HPS5: variants seen among roughly 807,000 people sequenced by gnomAD.
HPS5 encodes BLOC-2 complex member HPS5.
A neutral mutation model predicts 128.0 loss-of-function variants in HPS5; 83 were observed. That is an observed-to-expected ratio of 0.65 (90% confidence interval 0.54 to 0.78). The LOEUF is 0.78. HPS5 is among the 30% of genes least tolerant of loss of function. The pLI is 0.00. For missense variants in HPS5, 1,281 were observed against 1,326.2 expected, an observed-to-expected ratio of 0.97 and a Z score of 0.53; for synonymous variants, 475 against 470.2, an observed-to-expected ratio of 1.01 and a Z score of -0.13.
intron 6 of HPS5, 55 bp downstream of exon 6, chr11:18,308,891 T>C: frequency 3.2e-6 from 5 of 1,575,936 alleles, no homozygotes; most frequent in Non-Finnish European, 4.4e-6. Flanking sequence ...AACTTCTAAG[T>C]TCCTCCCAGT....
rs998608924 is a variant in HPS5, at chr11:18,291,865, C to T, written c.2017G>A (p.Val673Met). The T allele has an allele frequency of 1.9e-6, 3 of 1,607,846 alleles. No homozygotes were observed. Among genetic ancestry groups the T allele is most frequent in the South Asian group, 1.1e-5 (1 of 90,108 alleles). Residue 673 changes from valine (V) to methionine (M), a missense_variant, in exon 16 of 23, where the codon GTG (valine) becomes ATG (methionine). Physicochemically the swap from Val to Met is conservative, Grantham distance 21. Coordinates refer to ENST00000349215, the MANE Select transcript of HPS5 (RefSeq NM_181507.2). ...TTTTTTGATTCATTAACTAATAGCA[C>T]ATCCTGGTTCAATTTCATGGATGAG... Reference protein sequence around the residue: ...DNSSMKLNQDVLLVNESKKGI... With the variant: ...DNSSMKLNQDMLLVNESKKGI...
chr11:18,279,659 T>C lies in HPS5; in HGVS notation c.*223A>G, dbSNP rs896632759. On this transcript the variant is annotated 3_prime_UTR_variant, in exon 23 of 23. Coordinates refer to ENST00000349215, the MANE Select transcript of HPS5 (RefSeq NM_181507.2). ...GACTCTTTTCAAAATTCAACTTTGGTTAAGAAATGCTGAGTACAACTTTGG... is the reference window on the plus strand; with the variant it reads ...GACTCTTTTCAAAATTCAACTTTGGCTAAGAAATGCTGAGTACAACTTTGG... 5.2e-6 allele frequency: 3 copies of C among 577,102 alleles called. No homozygotes were observed. Among genetic ancestry groups the C allele is most frequent in the African/African-American group, 3.8e-5 (2 of 53,326 alleles). The allele number at this position is 577,102 out of a possible 1,614,324, so 35.7% of individuals were successfully genotyped here.
intron 22 of HPS5, among the ~76,000 whole-genome samples, chr11:18,281,540 C>T (rs1391973733): frequency 1.3e-5 from 2 of 151,246 alleles, no homozygotes; most frequent in South Asian, 2.1e-4. Flanking sequence ...GCTGGGACTA[C>T]AGGCACGTGC....
intron 1 of HPS5, 103 bp from the exon 2 acceptor site, chr11:18,318,010 C>T: frequency 1.2e-6 from 1 of 807,054 alleles, no homozygotes; most frequent in East Asian, 2.7e-5. Context: ...AAAGTCCCCA[C>T]TATACAGGGA....
At chr11:18,307,062 CT>C (rs1272365614) in intron 6 of HPS5, among the ~76,000 whole-genome samples, 2 of 152,192 alleles carry the variant, frequency 1.3e-5, no homozygotes, top group African/African-American at 4.8e-5. Context: ...GCTTCCTATG[CT>C]TTGCTTTCAT....
At chr11:18,286,932 G>C in intron 18 of HPS5, 1 of 618,512 alleles carries the variant, frequency 1.6e-6, no homozygotes, top group East Asian at 2.8e-5. Context: ...GGGAGAGAAA[G>C]AGAGAGAGAA....
In HPS5 at chr11:18,287,711, C is replaced by T. The variant is rs770370664; in HGVS notation, c.2562-21G>A. On this transcript the variant is annotated intron_variant, in intron 17 of 22. Transcript: ENST00000349215. ...ACAACCTGCATTTAAAAACAAAACACTTTAGTCTCTAATTTCAGTGAAATT... is the reference window on the plus strand; with the variant it reads ...ACAACCTGCATTTAAAAACAAAACATTTTAGTCTCTAATTTCAGTGAAATT... 2.9e-5 allele frequency: 47 copies of T among 1,613,344 alleles called. No individual in the cohort carries two copies. The Admixed American group carries it at 5.8e-4, about 20-fold the overall frequency.
Position 18,282,045 on chromosome 11 carries a change from A to G in HPS5, c.3234T>C (p.Ala1078=). Residue 1078 remains alanine (A), a synonymous_variant, in exon 22 of 23, where the codon GCT becomes GCC. Coordinates refer to ENST00000349215, the MANE Select transcript of HPS5 (RefSeq NM_181507.2). Reference sequence around the variant, plus strand: ...GACCACATTCCTGTAGCAGTGACCAAGCCCGATCTGGGCCCATGGCCTTAG... The same window carrying G: ...GACCACATTCCTGTAGCAGTGACCAGGCCCGATCTGGGCCCATGGCCTTAG... ...LLAKAMGPDR[A]WSLLQECGLA... The G allele has an allele frequency of 6.2e-7, 1 of 1,614,214 alleles. No homozygotes were observed. Among genetic ancestry groups the G allele is most frequent in the Non-Finnish European group, 8.5e-7 (1 of 1,180,036 alleles).
chr11:18,279,095 G>GTT lies in HPS5; in HGVS notation c.*785_*786dup, dbSNP rs1858563695. 1 of 152,212 alleles carries GTT rather than the reference G, an allele frequency of 6.6e-6. No individual in the cohort carries two copies. The highest frequency in any genetic ancestry group is 1.5e-5 in the Non-Finnish European group (1 of 68,030). The allele number at this position is 152,212 out of a possible 1,614,324, so 9.4% of individuals were successfully genotyped here. ...TATATGAAGATATTTTATTTAATTT[G>GTT]TTTTTGAGACAGGGTCTTTCTCTGT... On this transcript the variant is annotated 3_prime_UTR_variant, in exon 23 of 23. Coordinates refer to ENST00000349215, the MANE Select transcript of HPS5 (RefSeq NM_181507.2).
At chr11:18,284,405 G>A (rs1380435729) in intron 20 of HPS5, among the ~76,000 whole-genome samples, 1 of 152,122 alleles carries the variant, frequency 6.6e-6, no homozygotes, top group African/African-American at 2.4e-5. Flanking sequence ...CACTGGATGT[G>A]CTCCTTTTGC....
At chr11:18,302,198 AT>A (rs1402501574) in intron 8 of HPS5, among the ~76,000 whole-genome samples, 1 of 151,638 alleles carries the variant, frequency 6.6e-6, no homozygotes, top group East Asian at 1.9e-4. Flanking sequence ...TGGAGGACTC[AT>A]TTTTTTCTCC....
intron 22 of HPS5, among the ~76,000 whole-genome samples, chr11:18,281,393 C>G (rs1288717029): frequency 6.6e-6 from 1 of 151,632 alleles, no homozygotes; most frequent in Non-Finnish European, 1.5e-5. Flanking sequence ...CGTACCCAGC[C>G]AGGTACCAGT....
intron 22 of HPS5, among the ~76,000 whole-genome samples, chr11:18,281,656 G>A (rs1858984331): frequency 6.6e-6 from 1 of 151,750 alleles, no homozygotes; most frequent in African/African-American, 2.4e-5. Context: ...CGCCCACCTC[G>A]GCCTCACAAA....
rs1368128947 is a variant in HPS5 at position 18,295,059 on chromosome 11, T to A, written c.1745A>T (p.Asp582Val). Reference protein sequence around the residue: ...LRGDEQSCEEDVSSDTCPKEE... With the variant: ...LRGDEQSCEEVVSSDTCPKEE... Reference sequence around the variant, plus strand: ...CTTTGGGCAGGTATCTGAACTCACATCCTCTTCACATGATTGCTCATCACC... The same window carrying A: ...CTTTGGGCAGGTATCTGAACTCACAACCTCTTCACATGATTGCTCATCACC... Residue 582 changes from aspartate to valine, a missense_variant, in exon 14 of 23, where the codon GAT becomes GTT. By Grantham distance (152) the Asp-to-Val change is radical (BLOSUM62 -3). Coordinates refer to ENST00000349215, the MANE Select transcript of HPS5 (RefSeq NM_181507.2). 1 of 1,614,172 alleles carries A rather than the reference T, an allele frequency of 6.2e-7. No individual in the cohort carries two copies. The highest frequency in any genetic ancestry group is 1.1e-5 in the South Asian group (1 of 91,080).
At position 18,317,764 on chromosome 11, in the gene HPS5, G is replaced by C; in HGVS notation, c.95C>G (p.Ser32Cys). ...CAAGAAATTCACCTTTAGACGACTGGAGTCCAGCCGCAGGGCTGAGAGTAA... is the reference window on the plus strand; with the variant it reads ...CAAGAAATTCACCTTTAGACGACTGCAGTCCAGCCGCAGGGCTGAGAGTAA... ...DPLLSALRLD[S>C]SRLKCTSIAV... Residue 32 changes from serine (S) to cysteine (C), a missense_variant, in exon 2 of 23, where the codon TCC becomes TGC. Coordinates refer to ENST00000349215, the MANE Select transcript of HPS5 (RefSeq NM_181507.2). 2 of 1,613,746 alleles carry C rather than the reference G, an allele frequency of 1.2e-6. No homozygotes were observed. Among genetic ancestry groups the C allele is most frequent in the Non-Finnish European group, 1.7e-6 (2 of 1,179,880 alleles).
rs551592130 is a variant in HPS5 at position 18,288,031 on chromosome 11, T to C, written c.2441-18A>G. 1.9e-5 allele frequency: 31 copies of C among 1,613,090 alleles called. No individual in the cohort carries two copies. The South Asian group carries it at 3.0e-4, about 15-fold the overall frequency. ...TGCCATTTCTGAAATATAAAGCATA[T>C]CCTTTTCCAAACTTTATCTCTTAGG... On this transcript the variant is annotated intron_variant, in intron 16 of 22. Coordinates refer to ENST00000349215, the MANE Select transcript of HPS5 (RefSeq NM_181507.2).
chr11:18,290,904 GA>G (rs1860315243), intron 16 of HPS5, among the ~76,000 whole-genome samples: 1 of 152,004 alleles, frequency 6.6e-6, no homozygotes, highest in Non-Finnish European at 1.5e-5. Context: ...CCTGGGCACA[GA>G]GTGAGACCCT....
intron 20 of HPS5, among the ~76,000 whole-genome samples, chr11:18,284,742 T>C (rs996425271): frequency 6.6e-6 from 1 of 152,202 alleles, no homozygotes; most frequent in African/African-American, 2.4e-5. Context: ...AAGACACAAG[T>C]TGCTATCTCC....
chr11:18,299,276 C>G (rs553749515), intron 9 of HPS5, among the ~76,000 whole-genome samples: 1 of 152,248 alleles, frequency 6.6e-6, no homozygotes, highest in Non-Finnish European at 1.5e-5. Context: ...CATTAGAGGC[C>G]AGACTATAAG....
Sources: allele counts gnomAD v4.1 joint callset (sites outside exome capture counted in the v4.1 genomes callset), GRCh38; gene constraint gnomAD v4.1.1; transcripts MANE v1.5; gene names NCBI Gene and HGNC (gene_info 2026-07-23, HGNC 2026-07-21).